The following KIAA1217 variants were observed in gnomAD, a reference collection of about 807,000 sequenced individuals.
KIAA1217 encodes sickle tail protein homolog.
KIAA1217 carries 88 observed loss-of-function variants against 163.9 expected under a neutral mutation model. That is an observed-to-expected ratio of 0.54 (90% CI 0.45 to 0.64). The LOEUF (loss-of-function observed/expected upper bound fraction) is 0.64, where lower values mean the gene tolerates loss of function less well. Among genes scored for constraint, KIAA1217 ranks in the 30% least tolerant of loss-of-function variants. KIAA1217 has a pLI of 0.00. For synonymous variants in KIAA1217, 903 were observed against 923.1 expected, an observed-to-expected ratio of 0.98 and a Z score of 0.39; for missense variants, 2,372 against 2,475.0, an observed-to-expected ratio of 0.96 and a Z score of 0.88.
chr10:24,243,785 T>C (rs958864201), intron 2 of KIAA1217, among the ~76,000 whole-genome samples: 11 of 152,172 alleles, frequency 7.2e-5, no homozygotes, highest in African/African-American at 2.6e-4. Context: ...TTCATATATA[T>C]GAATATATAA....
At chr10:24,195,990 C>G (rs2066968184) in intron 2 of KIAA1217, among the ~76,000 whole-genome samples, 1 of 151,832 alleles carries the variant, frequency 6.6e-6, no homozygotes, top group African/African-American at 2.4e-5. Flanking sequence ...ACATAATTAT[C>G]CAGGTGTGGT....
chr10:23,707,010 A>G (rs1425905019), intron 1 of KIAA1217, among the ~76,000 whole-genome samples: 1 of 152,202 alleles, frequency 6.6e-6, no homozygotes, highest in Admixed American at 6.5e-5. Flanking sequence ...TTATACACAT[A>G]TTCATTCAGA....
chr10:23,905,571 C>T (rs949407680), intron 1 of KIAA1217, among the ~76,000 whole-genome samples: 3 of 152,056 alleles, frequency 2.0e-5, no homozygotes, highest in Admixed American at 6.6e-5. Context: ...CCTTCAGTTG[C>T]GCTACATTGC....
At chr10:23,841,083 G>A (rs1057441142) in intron 1 of KIAA1217, among the ~76,000 whole-genome samples, 2 of 152,176 alleles carry the variant, frequency 1.3e-5, no homozygotes, top group African/African-American at 4.8e-5. Context: ...TATTAAATAA[G>A]CACATAGTTG....
intron 1 of KIAA1217, among the ~76,000 whole-genome samples, chr10:23,835,224 G>A (rs987224310): frequency 3.3e-5 from 5 of 152,090 alleles, no homozygotes; most frequent in African/African-American, 1.2e-4. Context: ...CTAGGAAGGA[G>A]TGTCATTCAG....
intron 1 of KIAA1217, among the ~76,000 whole-genome samples, chr10:23,782,676 G>C (rs1053821199): frequency 3.9e-5 from 6 of 152,224 alleles, no homozygotes; most frequent in Non-Finnish European, 8.8e-5. Context: ...CATGTGAGCT[G>C]CCTGCATGGT....
intron 1 of KIAA1217, among the ~76,000 whole-genome samples, chr10:23,855,783 CT>C (rs1839624782): frequency 6.6e-6 from 1 of 152,172 alleles, no homozygotes; most frequent in Admixed American, 6.5e-5. Flanking sequence ...CACTGATACC[CT>C]TTCTTCCAGT....
intron 2 of KIAA1217, among the ~76,000 whole-genome samples, chr10:24,108,559 T>C (rs764173026): frequency 3.3e-5 from 5 of 152,080 alleles, no homozygotes; most frequent in African/African-American, 4.8e-5. Flanking sequence ...ATTAGAAAAA[T>C]GAGGATCAGG....
chr10:24,319,111 C>A (rs1280079348), intron 2 of KIAA1217, among the ~76,000 whole-genome samples: 1 of 152,264 alleles, frequency 6.6e-6, no homozygotes, highest in Non-Finnish European at 1.5e-5. Context: ...GGCGTGGTGG[C>A]TCACGCCTGT....
At chr10:23,843,759 A>G (rs753015610) in intron 1 of KIAA1217, among the ~76,000 whole-genome samples, 2 of 152,140 alleles carry the variant, frequency 1.3e-5, no homozygotes, top group African/African-American at 2.4e-5. Flanking sequence ...AAACCTATGT[A>G]AGTTTCTTTG....
chr10:24,324,787 T>C (rs2133382215), intron 2 of KIAA1217, among the ~76,000 whole-genome samples: 1 of 152,308 alleles, frequency 6.6e-6, no homozygotes, highest in Middle Eastern at 3.4e-3. Context: ...TACTTGTCTG[T>C]GGGCTGGTCT....
Position 24,209,174 on chromosome 10 carries a change from T to C in KIAA1217, c.-20T>C, listed in dbSNP as rs759216481. On this transcript the variant is annotated 5_prime_UTR_variant, in exon 1 of 21. Transcript: ENST00000376454. ...CTGAAGTTTCCAGAGAGCGAGGAGC[T>C]TTTGCGGCAGGCAGAGACAATGGAA... The C allele has an allele frequency of 1.4e-5, 23 of 1,612,498 alleles. No homozygotes were observed. Among genetic ancestry groups the C allele is most frequent in the Non-Finnish European group, 2.0e-5 (23 of 1,178,978 alleles).
chr10:24,452,185 A>G (rs1398590696), intron 5 of KIAA1217, among the ~76,000 whole-genome samples: 1 of 152,052 alleles, frequency 6.6e-6, no homozygotes, highest in Non-Finnish European at 1.5e-5. Context: ...GGAGCAGGTG[A>G]TCTCTGCTTG....
intron 1 of KIAA1217, among the ~76,000 whole-genome samples, chr10:23,782,758 A>G (rs1835315201): frequency 6.6e-6 from 1 of 152,180 alleles, no homozygotes; most frequent in Non-Finnish European, 1.5e-5. Flanking sequence ...GGTTTTCCAC[A>G]TATAGGATTA....
chr10:24,340,875 C>T (rs995959321), intron 2 of KIAA1217, among the ~76,000 whole-genome samples: 1 of 152,214 alleles, frequency 6.6e-6, no homozygotes, highest in South Asian at 2.1e-4. Flanking sequence ...AGCAGAAATG[C>T]CTCAGCATTT....
In KIAA1217 at chr10:24,182,487, A is replaced by G. The variant is rs558403489; in HGVS notation, c.-170-37139A>G. On this transcript the variant is annotated intron_variant, in intron 2 of 18. Coordinates refer to the KIAA1217 transcript ENST00000376462. ...ACACACACACAGACTGTGTTCTCCA[A>G]GGAGATTATGATGGCTTTGTTTGTT... is the stretch of plus-strand genomic sequence containing the variant. Among the ~76,000 whole-genome samples the G allele has an allele frequency of 2.5e-5, 3 of 117,954 alleles. No homozygotes were observed. In the East Asian group the frequency reaches 6.0e-4, roughly 24 times the overall value. The allele number at this position is 117,954 out of a possible 152,430, so 77.4% of individuals were successfully genotyped here. A position where few individuals can be genotyped will look rare whatever the true frequency, so the allele number is the denominator to read the frequency against.
chr10:23,925,849 C>T (rs1302432125), intron 1 of KIAA1217, among the ~76,000 whole-genome samples: 1 of 152,100 alleles, frequency 6.6e-6, no homozygotes, highest in African/African-American at 2.4e-5. Context: ...AATAATACTC[C>T]TCTTTTCTGC....
chr10:23,722,952 G>A (rs1426342898), intron 1 of KIAA1217, among the ~76,000 whole-genome samples: 1 of 152,144 alleles, frequency 6.6e-6, no homozygotes, highest in Non-Finnish European at 1.5e-5. Flanking sequence ...TATCCTGAGT[G>A]TTGGCCTCAC....
chr10:24,356,136 C>T (rs1231991621), intron 2 of KIAA1217, among the ~76,000 whole-genome samples: 3 of 152,080 alleles, frequency 2.0e-5, no homozygotes, highest in South Asian at 4.2e-4. Flanking sequence ...TTAATGATAA[C>T]ATCATTGCTT....
Sources: allele counts gnomAD v4.1 joint callset (sites outside exome capture counted in the v4.1 genomes callset), GRCh38; gene constraint gnomAD v4.1.1; transcripts MANE v1.5; gene names NCBI Gene and HGNC (gene_info 2026-07-23, HGNC 2026-07-21).